Variants in SLC9B1 observed in about 807,000 individuals in gnomAD.
The protein encoded by SLC9B1 is sodium/hydrogen exchanger 9B1.
SLC9B1 carries 32 observed loss-of-function variants against 51.7 expected under a neutral mutation model. The ratio of observed to expected loss-of-function variants is 0.62; its 90% CI spans 0.47 to 0.83. The LOEUF is 0.83. SLC9B1 is among the 40% of genes least tolerant of loss of function. The pLI is 0.00. For synonymous variants in SLC9B1, 145 were observed against 212.7 expected (o/e 0.68, Z 2.77); for missense variants, 406 against 613.2 (o/e 0.66, Z 3.57).
intron 3 of SLC9B1, among the ~76,000 whole-genome samples, chr4:102,965,231 G>A (rs1738361852): frequency 6.6e-6 from 1 of 152,090 alleles, no homozygotes; most frequent in Non-Finnish European, 1.5e-5. Context: ...ACTGTATAAA[G>A]AGGTTTATTT....
chr4:102,974,241 TGAAAAAAAAA>T (rs1214010072), intron 3 of SLC9B1, among the ~76,000 whole-genome samples: 4 of 16,758 alleles, frequency 2.4e-4, no homozygotes, highest in African/African-American at 7.4e-4. Context: ...TGTCTAAAAT[TGAAAAAAAAA>T]AAAAAAAAAA....
intron 11 of SLC9B1, among the ~76,000 whole-genome samples, chr4:102,903,236 C>T (rs973550783): frequency 4.6e-5 from 7 of 151,886 alleles, no homozygotes; most frequent in Non-Finnish European, 7.4e-5. Flanking sequence ...AACAAAATTG[C>T]GAGAGTATTG....
At position 102,901,166 on chromosome 4, in the gene SLC9B1, T is replaced by C. The variant is rs761338732; in HGVS notation, c.1499A>G (p.Tyr500Cys). ...CTGCAGTTTTATTTTGCTTGGATCA[T>C]AATGGCGTGTAAGCATTTTAGGCCC... is the stretch of plus-strand genomic sequence containing the variant. ...ILGPKMLTRH[Y>C]DPSKIKLQLS... The change falls in exon 12 of 12, where the codon TAT becomes TGT. Residue 500 changes from tyrosine (Y) to cysteine (C), a missense_variant. By Grantham distance (194) the Tyr-to-Cys change is radical (BLOSUM62 -2). Around this residue, in one of 6 missense-constraint regions of SLC9B1, gnomAD observed 18 missense variants for 35.9 expected, o/e 0.50. Transcript: ENST00000296422. 17 of 1,611,662 alleles carry C rather than the reference T, an allele frequency of 1.1e-5. No individual in the cohort carries two copies. In the African/African-American group the frequency reaches 1.1e-4, roughly 10 times the overall value.
chr4:102,923,591 G>C (rs984459157), intron 7 of SLC9B1, among the ~76,000 whole-genome samples: 8 of 152,054 alleles, frequency 5.3e-5, no homozygotes, highest in Non-Finnish European at 8.8e-5. Flanking sequence ...TGAAATAAAG[G>C]GTATTCAATT....
intron 1 of SLC9B1, among the ~76,000 whole-genome samples, chr4:103,014,453 C>A (rs1741221705): frequency 6.6e-6 from 1 of 152,200 alleles, no homozygotes; most frequent in Non-Finnish European, 1.5e-5. Flanking sequence ...CATTATATTA[C>A]AGATACTGTA....
At chr4:102,903,556 T>C (rs1163718323) in intron 11 of SLC9B1, among the ~76,000 whole-genome samples, 3 of 152,258 alleles carry the variant, frequency 2.0e-5, no homozygotes, top group Admixed American at 2.0e-4. Flanking sequence ...TCAAAACAGG[T>C]AGTCAGGCCC....
At chr4:102,933,681 T>C (rs1267690932) in intron 6 of SLC9B1, among the ~76,000 whole-genome samples, 5 of 152,108 alleles carry the variant, frequency 3.3e-5, no homozygotes, top group African/African-American at 1.2e-4. Flanking sequence ...CCAATGGGGT[T>C]TTCTCCACAG....
intron 3 of SLC9B1, among the ~76,000 whole-genome samples, 169 bp downstream of exon 3, chr4:102,989,631 T>C (rs182657921): frequency 9.5e-4 from 145 of 152,108 alleles, no homozygotes; most frequent in African/African-American, 3.4e-3. Flanking sequence ...GTTTTTATCT[T>C]TGAAAGATTC....
At chr4:102,932,374 T>A in intron 6 of SLC9B1, 75 bp from the exon 7 acceptor site, 2 of 1,250,358 alleles carry the variant, frequency 1.6e-6, no homozygotes, top group South Asian at 1.4e-5. Flanking sequence ...AAGTAGTTTA[T>A]AATAACTTTA....
At chr4:102,923,482 A>G (rs1166420925) in intron 7 of SLC9B1, among the ~76,000 whole-genome samples, 2 of 152,232 alleles carry the variant, frequency 1.3e-5, no homozygotes, top group Non-Finnish European at 2.9e-5. Flanking sequence ...AACTGGAAGC[A>G]TTCCCTTTGA....
chr4:102,981,619 C>CT (rs1431156072), intron 3 of SLC9B1, among the ~76,000 whole-genome samples: 2 of 152,128 alleles, frequency 1.3e-5, no homozygotes, highest in Non-Finnish European at 2.9e-5. Context: ...TGTTGAGCAT[C>CT]TTTTCATAAG....
chr4:102,956,864 A>T (rs1737839337), intron 3 of SLC9B1, among the ~76,000 whole-genome samples: 1 of 152,210 alleles, frequency 6.6e-6, no homozygotes, highest in African/African-American at 2.4e-5. Flanking sequence ...CAGTGAATAG[A>T]AACTCTCAAT....
intron 3 of SLC9B1, among the ~76,000 whole-genome samples, chr4:102,974,694 AC>A (rs1490173034): frequency 6.6e-6 from 1 of 152,238 alleles, no homozygotes; most frequent in East Asian, 1.9e-4. Flanking sequence ...AGTATGAGAT[AC>A]TTTAATATGA....
Position 103,003,780 on chromosome 4 carries a change from A to G in SLC9B1, c.-1-12068T>C, listed in dbSNP as rs147264966. On this transcript the variant is annotated intron_variant, in intron 1 of 11. Transcript: ENST00000296422. ...CCTTGAGGGGCCAGAGAACAGAGCTAGGGGCCTGGTTTCAGCCCCCCAGAG... is the reference window on the plus strand; with the variant it reads ...CCTTGAGGGGCCAGAGAACAGAGCTGGGGGCCTGGTTTCAGCCCCCCAGAG... 5.4e-3 allele frequency among the ~76,000 whole-genome samples: 823 copies of G among 152,248 alleles called. 6 individuals are homozygous for G. Among genetic ancestry groups the G allele is most frequent in the African/African-American group, 0.019 (790 of 41,550 alleles).
intron 11 of SLC9B1, chr4:102,890,418 T>G (rs897572830): frequency 6.6e-6 from 1 of 152,218 alleles, no homozygotes; most frequent in Non-Finnish European, 1.5e-5. Context: ...GATGTTTTAT[T>G]TGATACCTAC....
chr4:102,893,750 C>T (rs1341713348), intron 11 of SLC9B1, among the ~76,000 whole-genome samples: 1 of 151,876 alleles, frequency 6.6e-6, no homozygotes, highest in African/African-American at 2.4e-5. Flanking sequence ...ATGGCGAAAC[C>T]CCATCTCTAC....
intron 6 of SLC9B1, among the ~76,000 whole-genome samples, chr4:102,943,506 T>C (rs9884623): frequency 0.086 from 12,489 of 145,438 alleles, 763 homozygotes; most frequent in African/African-American, 0.16. Context: ...TGTGTATGTA[T>C]ACACACACAC....
intron 2 of SLC9B1, among the ~76,000 whole-genome samples, chr4:102,990,395 C>T (rs1458877924): frequency 2.6e-5 from 4 of 151,846 alleles, no homozygotes; most frequent in African/African-American, 7.3e-5. Flanking sequence ...GTCAAGCCTT[C>T]GGAAATTCAA....
chr4:102,896,891 A>G (rs1378945716), downstream of SLC9B1: 1 of 153,104 alleles, frequency 6.5e-6, no homozygotes, highest in African/African-American at 2.4e-5. Flanking sequence ...AACAATGAGA[A>G]GCAGAACTCA....
Sources: allele counts gnomAD v4.1 joint callset (sites outside exome capture counted in the v4.1 genomes callset), GRCh38; gene constraint gnomAD v4.1.1; regional missense constraint gnomAD v4.1.1; transcripts MANE v1.5; gene names NCBI Gene and HGNC (gene_info 2026-07-23, HGNC 2026-07-21).